ATL1: variants seen among roughly 807,000 people sequenced by gnomAD.
ATL1 encodes the protein atlastin-1.
A neutral mutation model predicts 75.5 loss-of-function variants in ATL1; 31 were observed. That is an observed-to-expected ratio of 0.41 (90% confidence interval 0.31 to 0.55). The LOEUF (loss-of-function observed/expected upper bound fraction) is 0.55, where lower values mean the gene tolerates loss of function less well. Among genes scored for constraint, ATL1 ranks in the 20% least tolerant of loss-of-function variants. ATL1 has a pLI of 0.27. For synonymous variants in ATL1, 226 were observed against 233.3 expected, an observed-to-expected ratio of 0.97 and a Z score of 0.28; for missense variants, 405 against 662.6, an observed-to-expected ratio of 0.61 and a Z score of 4.27.
rs371114148 is a variant in ATL1, at chr14:50,546,134, A to G, written c.-140+12767A>G. 7.2e-5 allele frequency among the ~76,000 whole-genome samples: 11 copies of G among 152,334 alleles called. No homozygotes were observed. The East Asian group carries it at 7.7e-4, about 11-fold the overall frequency. ...ATGTTAGAAACTCATTTGAAACTGA[A>G]GAAAAAAAAGAGGGTAAAAGAAGTT... On this transcript the variant is annotated intron_variant, in intron 1 of 13. Coordinates refer to the ATL1 transcript ENST00000441560.
intron 1 of ATL1, among the ~76,000 whole-genome samples, chr14:50,537,114 C>T (rs187892735): frequency 3.1e-4 from 47 of 152,310 alleles, no homozygotes; most frequent in African/African-American, 9.4e-4. Context: ...AAAGTGGTTT[C>T]GTTGGCTAGG....
Position 50,632,406 on chromosome 14 carries a change from GCAAA to G in ATL1, c.*70_*73del, listed in dbSNP as rs1046686966. 3 of 1,109,066 alleles carry G rather than the reference GCAAA, an allele frequency of 2.7e-6. No homozygotes were observed. In the Admixed American group the frequency reaches 5.6e-5, roughly 21 times the overall value. The allele number at this position is 1,109,066 out of a possible 1,614,324, so 68.7% of individuals were successfully genotyped here. ...TAAATATTCAGTTTTATGTCTCCATGCAAACATTCAAAGTGCTTCCATCAGAACG... is the reference window on the plus strand; with the variant it reads ...TAAATATTCAGTTTTATGTCTCCATGCATTCAAAGTGCTTCCATCAGAACG... On this transcript the variant is annotated 3_prime_UTR_variant, in exon 14 of 14. Coordinates refer to ENST00000358385, the MANE Select transcript of ATL1 (RefSeq NM_015915.5).
intron 1 of ATL1, among the ~76,000 whole-genome samples, chr14:50,540,172 A>G (rs2038543050): frequency 1.3e-5 from 2 of 152,228 alleles, no homozygotes; most frequent in African/African-American, 4.8e-5. Flanking sequence ...TAGCACAGTT[A>G]CTATAATAAC....
At chr14:50,621,562 C>T (rs1261801372) in intron 9 of ATL1, among the ~76,000 whole-genome samples, 3 of 152,162 alleles carry the variant, frequency 2.0e-5, no homozygotes, top group Non-Finnish European at 4.4e-5. Flanking sequence ...AAGGGCGTTA[C>T]TCCCGGCAGA....
At chr14:50,615,331 G>A (rs1438384043) in intron 8 of ATL1, among the ~76,000 whole-genome samples, 2 of 152,198 alleles carry the variant, frequency 1.3e-5, no homozygotes, top group Non-Finnish European at 2.9e-5. Context: ...CCAGGAGTGA[G>A]ACAGTGGCAT....
chr14:50,625,913 AG>A (rs1466214520), intron 11 of ATL1, among the ~76,000 whole-genome samples: 1 of 150,802 alleles, frequency 6.6e-6, no homozygotes, highest in Non-Finnish European at 1.5e-5. Flanking sequence ...AAAAAAAAAA[AG>A]AAAAAAAAAA....
At position 50,614,525 on chromosome 14, in the gene ATL1, A is replaced by G. The variant is rs2039396333; in HGVS notation, c.862+14A>G. On this transcript the variant is annotated intron_variant, in intron 8 of 13. Coordinates refer to ENST00000358385, the MANE Select transcript of ATL1 (RefSeq NM_015915.5). ...GAAAATTGAAAGGTTTGTGTCTTTT[A>G]ATGAATATGTTTGCATCACTTAGTC... is the stretch of plus-strand genomic sequence containing the variant. 6.2e-7 allele frequency: 1 copy of G among 1,613,102 alleles called. No individual in the cohort carries two copies. The highest frequency in any genetic ancestry group is 1.3e-5 in the African/African-American group (1 of 74,896).
At chr14:50,628,907 G>A (rs948228539) in intron 12 of ATL1, among the ~76,000 whole-genome samples, 10 of 151,980 alleles carry the variant, frequency 6.6e-5, no homozygotes, top group African/African-American at 7.3e-5. Context: ...TTGTAGAAAC[G>A]GGGTTTCACC....
chr14:50,599,899 G>T (rs1268264764), intron 6 of ATL1, among the ~76,000 whole-genome samples: 1 of 152,084 alleles, frequency 6.6e-6, no homozygotes, highest in East Asian at 1.9e-4. Flanking sequence ...CAGGAACCTG[G>T]TGTGGGGAGG....
At chr14:50,627,922 C>A in intron 11 of ATL1, 109 bp from the exon 12 acceptor site, 1 of 1,025,078 alleles carries the variant, frequency 9.8e-7, no homozygotes, top group Non-Finnish European at 1.5e-6. Context: ...ATGCAGGCTC[C>A]TGATTATTAA....
At chr14:50,557,169 T>C (rs1566712432), upstream of ATL1, among the ~76,000 whole-genome samples, 1 of 152,234 alleles carries the variant, frequency 6.6e-6, no homozygotes. Flanking sequence ...TTTTTGATTA[T>C]AGTCATCATA....
chr14:50,537,745 T>A (rs944930441), intron 1 of ATL1, among the ~76,000 whole-genome samples: 74 of 152,376 alleles, frequency 4.9e-4, no homozygotes, highest in African/African-American at 1.6e-3. Flanking sequence ...CCACTTGATT[T>A]CAGACTTGCA....
intron 1 of ATL1, among the ~76,000 whole-genome samples, chr14:50,546,405 CATGTTT>C (rs1467192745): frequency 6.6e-6 from 1 of 151,816 alleles, no homozygotes; most frequent in African/African-American, 2.4e-5. Context: ...AGAGAGCATA[CATGTTT>C]ATGTTTATAT....
chr14:50,623,298 C>T, intron 11 of ATL1, 50 bp downstream of exon 11: 2 of 1,421,998 alleles, frequency 1.4e-6, no homozygotes, highest in Non-Finnish European at 2.0e-6. Flanking sequence ...CAGTATCCTT[C>T]ATGCAACTCA....
chr14:50,591,320 G>T (rs928311900), intron 3 of ATL1, among the ~76,000 whole-genome samples: 2 of 152,118 alleles, frequency 1.3e-5, no homozygotes, highest in Non-Finnish European at 2.9e-5. Flanking sequence ...GCTACATAAA[G>T]TTTCTGTTAC....
intron 1 of ATL1, among the ~76,000 whole-genome samples, chr14:50,584,220 C>A (rs1286163357): frequency 6.6e-6 from 1 of 151,800 alleles, no homozygotes; most frequent in East Asian, 1.9e-4. Context: ...ACAAAAAATA[C>A]AGAAATTAGT....
intron 6 of ATL1, among the ~76,000 whole-genome samples, chr14:50,600,366 C>A (rs375390699): frequency 1.3e-5 from 2 of 152,036 alleles, no homozygotes; most frequent in African/African-American, 4.8e-5. Context: ...AAAAAGTTTT[C>A]GCTGACTGAG....
intron 1 of ATL1, among the ~76,000 whole-genome samples, chr14:50,568,417 A>AT (rs1274576459): frequency 3.9e-5 from 6 of 152,074 alleles, no homozygotes; most frequent in Non-Finnish European, 8.8e-5. Context: ...TAAAAAAAAA[A>AT]CCAGTTCTTT....
chr14:50,612,164 C>A (rs949089306), intron 6 of ATL1, among the ~76,000 whole-genome samples: 2 of 152,062 alleles, frequency 1.3e-5, no homozygotes, highest in East Asian at 3.9e-4. Context: ...TATCATGTAT[C>A]ATGTATGATT....
Sources: gnomAD v4.1 joint callset for allele counts (sites outside exome capture counted in the v4.1 genomes callset) on GRCh38, gnomAD v4.1.1 for gene constraint, MANE v1.5 for transcripts, NCBI Gene and HGNC (gene_info 2026-07-23, HGNC 2026-07-21) for gene names.